DYNC1I1: variants seen among roughly 807,000 people sequenced by gnomAD.
The protein encoded by DYNC1I1 is cytoplasmic dynein 1 intermediate chain 1.
DYNC1I1 carries 43 observed loss-of-function variants against 86.6 expected under a neutral mutation model. That is an observed-to-expected ratio of 0.50 (90% CI 0.39 to 0.64). DYNC1I1 has a LOEUF of 0.64. Ranked by LOEUF, DYNC1I1 falls within the 30% of genes least tolerant of loss-of-function variation. The pLI, the probability that DYNC1I1 is intolerant of heterozygous loss-of-function variation, is 0.00. For missense variants in DYNC1I1, 604 were observed against 788.8 expected (o/e 0.77, Z 2.81); for synonymous variants, 262 against 283.7 (o/e 0.92, Z 0.77).
Position 96,097,872 on chromosome 7 carries a change from C to G in DYNC1I1, c.*279C>G. On this transcript the variant is annotated 3_prime_UTR_variant, in exon 17 of 17. Coordinates refer to ENST00000447467, the MANE Select transcript of DYNC1I1 (RefSeq NM_001135556.2). ...TTGCTGCCTTTTAACTACTTTGTAG[C>G]TGTATTTAATAGCTGGAAACCTCTG... 1 of 1,139,240 alleles carries G rather than the reference C, an allele frequency of 8.8e-7. No individual in the cohort carries two copies. The highest frequency in any genetic ancestry group is 1.1e-6 in the Non-Finnish European group (1 of 922,726). The allele number at this position is 1,139,240 out of a possible 1,614,324, so 70.6% of individuals were successfully genotyped here.
chr7:96,095,249 G>A (rs1189593148), intron 16 of DYNC1I1, among the ~76,000 whole-genome samples: 1 of 152,158 alleles, frequency 6.6e-6, no homozygotes, highest in Non-Finnish European at 1.5e-5. Context: ...TAAACTGTGT[G>A]TAGACATTTA....
chr7:95,886,772 A>G (rs759065390), intron 6 of DYNC1I1, among the ~76,000 whole-genome samples: 1 of 152,248 alleles, frequency 6.6e-6, no homozygotes, highest in African/African-American at 2.4e-5. Context: ...AGGCAAAAAG[A>G]CATTTCAGTT....
At chr7:95,795,041 G>A (rs1328118813) in intron 1 of DYNC1I1, among the ~76,000 whole-genome samples, 1 of 152,142 alleles carries the variant, frequency 6.6e-6, no homozygotes. Flanking sequence ...TGGCTTTGAT[G>A]GGGTGTATGG....
downstream of DYNC1I1, among the ~76,000 whole-genome samples, chr7:96,099,470 A>T (rs955310901): frequency 2.0e-5 from 3 of 152,182 alleles, no homozygotes; most frequent in Admixed American, 1.3e-4. Flanking sequence ...GCTATAACAG[A>T]ATACTGTGGT....
intron 16 of DYNC1I1, among the ~76,000 whole-genome samples, chr7:96,081,199 G>A (rs1170540832): frequency 6.6e-6 from 1 of 151,696 alleles, no homozygotes. Context: ...GTAGCCAATT[G>A]AGAATGTGAT....
At chr7:95,871,216 C>CA (rs750186435) in intron 6 of DYNC1I1, among the ~76,000 whole-genome samples, 7 of 152,130 alleles carry the variant, frequency 4.6e-5, no homozygotes, top group Non-Finnish European at 1.0e-4. Context: ...TCTTCAGTAG[C>CA]AGGGCCTCCA....
At chr7:95,907,001 A>G (rs1274295251) in intron 6 of DYNC1I1, among the ~76,000 whole-genome samples, 2 of 152,228 alleles carry the variant, frequency 1.3e-5, no homozygotes, top group Non-Finnish European at 2.9e-5. Flanking sequence ...ATGTGGTTTC[A>G]TAGTCATTTA....
intron 4 of DYNC1I1, among the ~76,000 whole-genome samples, chr7:95,823,724 T>C (rs1222816316): frequency 1.3e-5 from 2 of 151,918 alleles, no homozygotes; most frequent in African/African-American, 4.8e-5. Context: ...GAGAAGACTT[T>C]GTCAGGTTTA....
intron 7 of DYNC1I1, among the ~76,000 whole-genome samples, chr7:95,982,794 C>G (rs1324665616): frequency 6.6e-6 from 1 of 152,086 alleles, no homozygotes; most frequent in Non-Finnish European, 1.5e-5. Context: ...ACAGCATTAA[C>G]CAAAACAAAA....
chr7:96,055,077 T>C (rs1211308648), intron 14 of DYNC1I1, among the ~76,000 whole-genome samples: 3 of 152,236 alleles, frequency 2.0e-5, no homozygotes, highest in Non-Finnish European at 4.4e-5. Flanking sequence ...TAGGTTTTCC[T>C]CTAGGGTTTT....
intron 1 of DYNC1I1, among the ~76,000 whole-genome samples, chr7:95,796,920 C>T (rs1794451958): frequency 6.6e-6 from 1 of 152,002 alleles, no homozygotes; most frequent in African/African-American, 2.4e-5. Context: ...GATATTAAAG[C>T]AATCATGGGT....
chr7:95,935,946 GAC>G (rs1261613129), intron 6 of DYNC1I1, among the ~76,000 whole-genome samples: 5 of 151,902 alleles, frequency 3.3e-5, no homozygotes, highest in Non-Finnish European at 7.4e-5. Context: ...ATTTTAAAAA[GAC>G]AAGTATTAGT....
At chr7:95,977,699 T>C in intron 7 of DYNC1I1, 98 bp downstream of exon 7, 1 of 1,042,826 alleles carries the variant, frequency 9.6e-7, no homozygotes, top group Admixed American at 3.2e-5. Context: ...AAATTGAATT[T>C]GCATCCCCTA....
chr7:95,856,151 T>A (rs957759067), intron 5 of DYNC1I1, among the ~76,000 whole-genome samples: 13 of 151,494 alleles, frequency 8.6e-5, no homozygotes, highest in African/African-American at 3.2e-4. Context: ...TCTATTTAAC[T>A]TTTTTTTTCC....
At chr7:96,069,051 T>C (rs1790082163) in intron 14 of DYNC1I1, among the ~76,000 whole-genome samples, 1 of 152,142 alleles carries the variant, frequency 6.6e-6, no homozygotes, top group Non-Finnish European at 1.5e-5. Context: ...CAACCACATA[T>C]CTAGCTGCCT....
intron 1 of DYNC1I1, among the ~76,000 whole-genome samples, chr7:95,793,326 G>A (rs1030447736): frequency 6.6e-6 from 1 of 152,124 alleles, no homozygotes; most frequent in Non-Finnish European, 1.5e-5. Context: ...GAAAAGACAA[G>A]ATGGCAGCAT....
chr7:96,100,042 A>G (rs1563005849), downstream of DYNC1I1, among the ~76,000 whole-genome samples: 1 of 152,156 alleles, frequency 6.6e-6, no homozygotes, highest in Non-Finnish European at 1.5e-5. Context: ...AGCCAGAAAG[A>G]TGTGCCTTTC....
At chr7:95,807,561 ACATATAC>A (rs1794730627) in intron 2 of DYNC1I1, among the ~76,000 whole-genome samples, 1 of 152,094 alleles carries the variant, frequency 6.6e-6, no homozygotes, top group African/African-American at 2.4e-5. Context: ...GCAGCTGCTT[ACATATAC>A]CCTGATGGAC....
intron 16 of DYNC1I1, among the ~76,000 whole-genome samples, chr7:96,086,925 T>A (rs1045309773): frequency 6.6e-6 from 1 of 152,168 alleles, no homozygotes; most frequent in African/African-American, 2.4e-5. Flanking sequence ...CCTCAAATAG[T>A]TTCATAGCCA....
Sources: allele counts gnomAD v4.1 joint callset (sites outside exome capture counted in the v4.1 genomes callset), GRCh38; gene constraint gnomAD v4.1.1; transcripts MANE v1.5; gene names NCBI Gene and HGNC (gene_info 2026-07-23, HGNC 2026-07-21).